MCUR1: variants seen among roughly 807,000 people sequenced by gnomAD.
MCUR1 encodes MCU regulator 1.
MCUR1 carries 37 observed loss-of-function variants against 42.0 expected under a neutral mutation model. The ratio of observed to expected loss-of-function variants is 0.88; its 90% CI spans 0.68 to 1.16. The LOEUF (loss-of-function observed/expected upper bound fraction) is 1.16. Among genes scored for constraint, MCUR1 ranks in the 50% most tolerant of loss-of-function variants. The pLI is 0.00. For synonymous variants in MCUR1, 229 were observed against 196.2 expected, an observed-to-expected ratio of 1.17 and a Z score of -1.40; for missense variants, 469 against 468.4, an observed-to-expected ratio of 1.00 and a Z score of -0.01.
At chr6:13,806,814 A>T (rs1760120636) in intron 2 of MCUR1, 111 bp downstream of exon 2, 1 of 1,254,142 alleles carries the variant, frequency 8.0e-7, no homozygotes, top group Admixed American at 2.5e-5. Context: ...ATTAAACACA[A>T]ATAAAAAATA....
At chr6:13,792,137 C>G in intron 7 of MCUR1, 145 bp from the exon 8 acceptor site, 1 of 651,424 alleles carries the variant, frequency 1.5e-6, no homozygotes, top group Non-Finnish European at 2.7e-6. Context: ...GTTCTAAAAC[C>G]CTAATTCTAC....
Position 13,814,243 on chromosome 6 carries a change from C to T in MCUR1, c.187G>A (p.Val63Met). 6.8e-7 allele frequency: 1 copy of T among 1,470,544 alleles called. No homozygotes were observed. 91.1% of individuals were successfully genotyped at this position (1,470,544 alleles called of 1,614,324 possible). The change falls in exon 1 of 9, where the codon GTG (valine) becomes ATG (methionine). Residue 63 changes from valine (V) to methionine (M), a missense_variant. Val to Met is a conservative substitution (Grantham distance 21, BLOSUM62 1). Coordinates refer to ENST00000379170, the MANE Select transcript of MCUR1 (RefSeq NM_001031713.4). ...AGGAGCAGCGGTGAGGCACGTGACA[C>T]GCCGCCGCGGGCCGCCGGGGCGCGA... ...RPRAPAARGG[V>M]SRASPLLLLL...
At position 13,804,032 on chromosome 6, in the gene MCUR1, G is replaced by T. The variant is rs1479083662; in HGVS notation, c.536-1686C>A. On this transcript the variant is annotated intron_variant, in intron 2 of 8. Transcript: ENST00000379170. Reference sequence around the variant, plus strand: ...AGAGTTCATGTTTAAACATAATTAGGTTTGGCAACTGGACACAGTGGTTCA... The same window carrying T: ...AGAGTTCATGTTTAAACATAATTAGTTTTGGCAACTGGACACAGTGGTTCA... 3 of 976,186 alleles carry T rather than the reference G, an allele frequency of 3.1e-6. No individual in the cohort carries two copies. In the South Asian group the frequency reaches 1.4e-4, roughly 46 times the overall value. 60.5% of individuals were successfully genotyped at this position (976,186 alleles called of 1,614,324 possible).
chr6:13,807,546 T>A (rs1760137477), intron 1 of MCUR1, among the ~76,000 whole-genome samples: 1 of 152,246 alleles, frequency 6.6e-6, no homozygotes, highest in South Asian at 2.1e-4. Context: ...GTAAATTTTG[T>A]GTATCCATTT....
chr6:13,806,862 T>C, intron 2 of MCUR1, 63 bp downstream of exon 2: 1 of 1,489,824 alleles, frequency 6.7e-7, no homozygotes, highest in South Asian at 1.3e-5. Context: ...AATGAAACCA[T>C]AAGAGAAGTC....
chr6:13,802,522 G>T (rs1300911043), intron 2 of MCUR1, among the ~76,000 whole-genome samples, 176 bp from the exon 3 acceptor site: 1 of 152,140 alleles, frequency 6.6e-6, no homozygotes, highest in Admixed American at 6.6e-5. Flanking sequence ...GAGCAAGCAC[G>T]AAACATACAA....
chr6:13,812,542 A>G (rs1760260464), intron 1 of MCUR1, among the ~76,000 whole-genome samples: 1 of 152,216 alleles, frequency 6.6e-6, no homozygotes, highest in Non-Finnish European at 1.5e-5. Context: ...AGCGCAACAA[A>G]AGGCAAAATA....
chr6:13,788,564 C>T lies in MCUR1; in HGVS notation c.*2245G>A, dbSNP rs1256883627. 1 of 152,180 alleles carries T rather than the reference C, an allele frequency of 6.6e-6. No individual in the cohort carries two copies. Among genetic ancestry groups the T allele is most frequent in the Non-Finnish European group, 1.5e-5 (1 of 68,030 alleles). 9.4% of individuals were successfully genotyped at this position (152,180 alleles called of 1,614,324 possible). A position where few individuals can be genotyped will look rare whatever the true frequency, so the allele number is the denominator to read the frequency against. On this transcript the variant is annotated 3_prime_UTR_variant, in exon 9 of 9. Transcript: ENST00000379170. ...AAAAAATTTTATCAGGATACAAGGA[C>T]ACTTCACTGTTTTTAACCCACACAA... is the stretch of plus-strand genomic sequence containing the variant.
At chr6:13,802,877 T>C (rs1435088123) in intron 2 of MCUR1, among the ~76,000 whole-genome samples, 1 of 152,236 alleles carries the variant, frequency 6.6e-6, no homozygotes, top group East Asian at 1.9e-4. Flanking sequence ...AGTCAAATCA[T>C]TGACTATATA....
intron 4 of MCUR1, 71 bp downstream of exon 4, chr6:13,801,217 T>C: frequency 9.8e-7 from 1 of 1,021,660 alleles, no homozygotes. Context: ...CGTGTGCTCT[T>C]TTATGTGTAT....
chr6:13,811,621 C>T (rs1177151826), intron 1 of MCUR1, among the ~76,000 whole-genome samples: 1 of 152,084 alleles, frequency 6.6e-6, no homozygotes, highest in Non-Finnish European at 1.5e-5. Context: ...AGGGGACCTC[C>T]TAAGGACCAC....
intron 8 of MCUR1, among the ~76,000 whole-genome samples, chr6:13,791,442 G>A (rs895792507): frequency 6.6e-6 from 1 of 152,144 alleles, no homozygotes; most frequent in Non-Finnish European, 1.5e-5. Flanking sequence ...TAATTTGGGT[G>A]GGGGGTGGTA....
Position 13,814,327 on chromosome 6 carries a change from C to G in MCUR1, c.103G>C (p.Glu35Gln). 1 of 1,507,636 alleles carries G rather than the reference C, an allele frequency of 6.6e-7. No individual in the cohort carries two copies. Among genetic ancestry groups the G allele is most frequent in the Non-Finnish European group, 8.8e-7 (1 of 1,134,700 alleles). 93.4% of individuals were successfully genotyped at this position (1,507,636 alleles called of 1,614,324 possible). The change falls in exon 1 of 9, where the codon GAA (glutamate) becomes CAA (glutamine). Residue 35 changes from glutamate to glutamine, a missense_variant. By Grantham distance (29) the Glu-to-Gln change is conservative. Transcript: ENST00000379170. ...VGLSGRPGGS[E>Q]TSARRCLSAL... is the part of the protein sequence containing the mutation. ...GAGAGGCAGCGGCGTGCTGAGGTTT[C>G]GCTGCCGCCCGGTCTTCCGCTGAGG...
intron 5 of MCUR1, among the ~76,000 whole-genome samples, chr6:13,799,827 CT>C (rs542304036): frequency 0.16 from 15,179 of 96,366 alleles, 611 homozygotes; most frequent in East Asian, 0.26. Flanking sequence ...ACACAATTTT[CT>C]TTTTTTTTTT....
chr6:13,789,219 G>A lies in MCUR1; in HGVS notation c.*1590C>T, dbSNP rs1306788314. On this transcript the variant is annotated 3_prime_UTR_variant, in exon 9 of 9. Coordinates refer to ENST00000379170, the MANE Select transcript of MCUR1 (RefSeq NM_001031713.4). ...AGTTAGAGACCAGCCTGGCCAACAT[G>A]GTGAAACCTCATCTCTACTAAAAAT... 1.3e-5 allele frequency: 2 copies of A among 152,264 alleles called. No homozygotes were observed. Among genetic ancestry groups the A allele is most frequent in the Non-Finnish European group, 2.9e-5 (2 of 68,092 alleles). 9.4% of individuals were successfully genotyped at this position (152,264 alleles called of 1,614,324 possible). A position where few individuals can be genotyped will look rare whatever the true frequency, so the allele number is the denominator to read the frequency against.
At chr6:13,794,009 G>T in intron 6 of MCUR1, 62 bp from the exon 7 acceptor site, 1 of 1,500,716 alleles carries the variant, frequency 6.7e-7, no homozygotes, top group Non-Finnish European at 9.3e-7. Flanking sequence ...TCCTTCTCTG[G>T]TGCCTTAAAT....
chr6:13,814,515 A>C lies in MCUR1; in HGVS notation c.-86T>G, dbSNP rs1760333867. 2 of 1,301,586 alleles carry C rather than the reference A, an allele frequency of 1.5e-6. No homozygotes were observed. The highest frequency in any genetic ancestry group is 3.3e-5 in the East Asian group (1 of 30,340). 80.6% of individuals were successfully genotyped at this position (1,301,586 alleles called of 1,614,324 possible). ...GCGCGGTCCAGGCCCAGAGTCCGAC[A>C]GCGGGAGCGAGCGTGGGCCACAGCG... On this transcript the variant is annotated 5_prime_UTR_variant, in exon 1 of 9. Coordinates refer to ENST00000379170, the MANE Select transcript of MCUR1 (RefSeq NM_001031713.4).
rs778458464 is a variant in MCUR1, at chr6:13,802,380, CAG to C, written c.536-36_536-35del. 9 of 1,563,830 alleles carry C rather than the reference CAG, an allele frequency of 5.8e-6. No homozygotes were observed. The South Asian group carries it at 1.0e-4, about 17-fold the overall frequency. On this transcript the variant is annotated intron_variant, in intron 2 of 8. Coordinates refer to ENST00000379170, the MANE Select transcript of MCUR1 (RefSeq NM_001031713.4). ...GCACACAAGCAAAAAAAATCATGCTCAGAGTTACAAAAGCCCACAGCAAATGC... is the reference window on the plus strand; with the variant it reads ...GCACACAAGCAAAAAAAATCATGCTCAGTTACAAAAGCCCACAGCAAATGC...
At chr6:13,795,873 A>C (rs1759843578) in intron 6 of MCUR1, among the ~76,000 whole-genome samples, 1 of 152,188 alleles carries the variant, frequency 6.6e-6, no homozygotes, top group Non-Finnish European at 1.5e-5. Context: ...CTGTTCCCCC[A>C]AAACCCACTG....
Sources: allele counts gnomAD v4.1 joint callset (sites outside exome capture counted in the v4.1 genomes callset), GRCh38; gene constraint gnomAD v4.1.1; transcripts MANE v1.5; gene names NCBI Gene and HGNC (gene_info 2026-07-23, HGNC 2026-07-21).